The following FNDC11 variants were observed in gnomAD, a reference collection of about 807,000 sequenced individuals.
FNDC11 encodes the protein fibronectin type III domain-containing protein 11.
FNDC11 carries 15 observed loss-of-function variants against 15.8 expected under a neutral mutation model. The observed-to-expected ratio is 0.95, with a 90% confidence interval of 0.63 to 1.46. FNDC11 has a LOEUF of 1.46. Among genes scored for constraint, FNDC11 ranks in the 40% most tolerant of loss-of-function variants. FNDC11 has a pLI of 0.00. For missense variants in FNDC11, 416 were observed against 443.4 expected, an observed-to-expected ratio of 0.94 and a Z score of 0.55; for synonymous variants, 190 against 203.1, an observed-to-expected ratio of 0.94 and a Z score of 0.55.
chr20:63,555,661 A>G lies in FNDC11; in HGVS notation c.-3A>G, dbSNP rs1413732350. 5.0e-6 allele frequency: 8 copies of G among 1,598,534 alleles called. No homozygotes were observed. The highest frequency in any genetic ancestry group is 6.8e-6 in the Non-Finnish European group (8 of 1,169,840). ...ACCCAGCCCTCCCCCCAGCTCCCGG[A>G]TAATGAGCACCCATGTGGCAGGCCT... On this transcript the variant is annotated 5_prime_UTR_variant, in exon 2 of 2. Coordinates refer to ENST00000370097, the MANE Select transcript of FNDC11 (RefSeq NM_001319152.2).
chr20:63,554,726 C>T (rs1050384254), intron 1 of FNDC11: 1 of 152,326 alleles, frequency 6.6e-6, no homozygotes, highest in African/African-American at 2.4e-5. Context: ...GCAGATATGA[C>T]TTCACCACGT....
In FNDC11 at chr20:63,555,753, G is replaced by T; in HGVS notation, c.90G>T (p.Gln30His). 6.2e-7 allele frequency: 1 copy of T among 1,613,324 alleles called. No homozygotes were observed. Among genetic ancestry groups the T allele is most frequent in the Admixed American group, 1.7e-5 (1 of 60,020 alleles). ...SFLDQEEADD[Q>H]QLLEPEAWKT... is the part of the protein sequence containing the mutation. ...TGGACCAGGAGGAGGCAGATGACCA[G>T]CAGCTGCTGGAACCAGAGGCGTGGA... Residue 30 changes from glutamine (Q) to histidine (H), a missense_variant, in exon 2 of 2, where the codon CAG becomes CAT. Physicochemically the swap from Gln to His is conservative, Grantham distance 24. Coordinates refer to ENST00000370097, the MANE Select transcript of FNDC11 (RefSeq NM_001319152.2).
At chr20:63,553,859 C>A (rs1456816515), upstream of FNDC11, 1 of 152,216 alleles carries the variant, frequency 6.6e-6, no homozygotes, top group Non-Finnish European at 1.5e-5. Flanking sequence ...TGAGCAGGAA[C>A]TCCCTCCCAG....
Position 63,556,048 on chromosome 20 carries a change from C to T in FNDC11, c.385C>T (p.Leu129=). The part of the protein sequence containing the change: ...TKIQLLLLGD[L]LEQLDHGRAE... ...GATCCAGCTCCTGCTGCTCGGGGACCTGTTGGAACAGCTCGACCATGGCCG... is the reference window on the plus strand; with the variant it reads ...GATCCAGCTCCTGCTGCTCGGGGACTTGTTGGAACAGCTCGACCATGGCCG... Residue 129 remains leucine, a synonymous_variant, in exon 2 of 2, where the codon CTG becomes TTG. Transcript: ENST00000370097. 6.2e-7 allele frequency: 1 copy of T among 1,600,150 alleles called. No individual in the cohort carries two copies. Among genetic ancestry groups the T allele is most frequent in the Non-Finnish European group, 8.5e-7 (1 of 1,179,916 alleles).
chr20:63,554,128 G>C (rs924091903), upstream of FNDC11: 1 of 152,246 alleles, frequency 6.6e-6, no homozygotes, highest in African/African-American at 2.4e-5. Flanking sequence ...AAAGGCCGCT[G>C]GTCCCCAGGG....
rs145876706 is a variant in FNDC11 at position 63,556,105 on chromosome 20, G to A, written c.442G>A (p.Asp148Asn). The change falls in exon 2 of 2, where the codon GAC becomes AAC. Residue 148 changes from aspartate (D) to asparagine (N), a missense_variant. Transcript: ENST00000370097. ...AELDALLRSPDPRPFLADWAL... is the reference protein window; with the variant it reads ...AELDALLRSPNPRPFLADWAL... Reference sequence around the variant, plus strand: ...GCTGGATGCCCTGCTCCGGTCGCCAGACCCACGGCCCTTCCTGGCCGACTG... The same window carrying A: ...GCTGGATGCCCTGCTCCGGTCGCCAAACCCACGGCCCTTCCTGGCCGACTG... 70 of 1,595,656 alleles carry A rather than the reference G, an allele frequency of 4.4e-5. No homozygotes were observed. Among genetic ancestry groups the A allele is most frequent in the Non-Finnish European group, 5.7e-5 (67 of 1,175,406 alleles).
chr20:63,555,746 A>G lies in FNDC11; in HGVS notation c.83A>G (p.Asp28Gly), dbSNP rs2082801697. ...PQSFLDQEEA[D>G]DQQLLEPEAW... ...TCCTTCCTGGACCAGGAGGAGGCAGATGACCAGCAGCTGCTGGAACCAGAG... is the reference window on the plus strand; with the variant it reads ...TCCTTCCTGGACCAGGAGGAGGCAGGTGACCAGCAGCTGCTGGAACCAGAG... The change falls in exon 2 of 2, where the codon GAT (aspartate) becomes GGT (glycine). Residue 28 changes from aspartate to glycine, a missense_variant. Asp to Gly is a moderately conservative substitution (Grantham distance 94). Transcript: ENST00000370097. 6.2e-7 allele frequency: 1 copy of G among 1,613,148 alleles called. No individual in the cohort carries two copies. The highest frequency in any genetic ancestry group is 1.7e-5 in the Admixed American group (1 of 60,004).
Position 63,556,638 on chromosome 20 carries a change from T to C in FNDC11, c.*18T>C. The C allele has an allele frequency of 6.3e-7, 1 of 1,589,324 alleles. No individual in the cohort carries two copies. Among genetic ancestry groups the C allele is most frequent in the Non-Finnish European group, 8.6e-7 (1 of 1,164,232 alleles). On this transcript the variant is annotated 3_prime_UTR_variant, in exon 2 of 2. Coordinates refer to ENST00000370097, the MANE Select transcript of FNDC11 (RefSeq NM_001319152.2). ...CTGTCTGAGAGATGATTTTCTAATA[T>C]TTATCCACTAATAAAGAAGAGTGTA...
At chr20:63,553,279 C>T (rs146260608), upstream of FNDC11, among the ~76,000 whole-genome samples, 631 of 152,274 alleles carry the variant, frequency 4.1e-3, 2 homozygotes, top group African/African-American at 0.014. Context: ...CTATGGAGAC[C>T]CCATTTATCC....
Position 63,556,428 on chromosome 20 carries a change from C to T in FNDC11, c.765C>T (p.Cys255=), listed in dbSNP as rs751850247. 33 of 1,613,172 alleles carry T rather than the reference C, an allele frequency of 2.0e-5. 1 individual carries two copies. In the South Asian group the frequency reaches 2.1e-4, roughly 10 times the overall value. Residue 255 remains cysteine, a synonymous_variant, in exon 2 of 2, where the codon TGC becomes TGT. Coordinates refer to ENST00000370097, the MANE Select transcript of FNDC11 (RefSeq NM_001319152.2). ...TGGACCCGCGGACACAGCAGGAGTG[C>T]GCCCAGTGTGGCGTCATCCCCGTGG... ...RLLDPRTQQE[C]AQCGVIPVAA...
In FNDC11 at chr20:63,555,784, T is replaced by C. The variant is rs1398118152; in HGVS notation, c.121T>C (p.Tyr41His). The C allele has an allele frequency of 1.9e-6, 3 of 1,613,406 alleles. No homozygotes were observed. Among genetic ancestry groups the C allele is most frequent in the Non-Finnish European group, 2.5e-6 (3 of 1,180,042 alleles). Reference protein sequence around the residue: ...QLLEPEAWKTYTERRNALREF... With the variant: ...QLLEPEAWKTHTERRNALREF... ...GCTGGAACCAGAGGCGTGGAAGACC[T>C]ACACCGAGCGCCGCAATGCCCTGCG... Residue 41 changes from tyrosine to histidine, a missense_variant, in exon 2 of 2, where the codon TAC (tyrosine) becomes CAC (histidine). By Grantham distance (83) the Tyr-to-His change is moderately conservative. Coordinates refer to ENST00000370097, the MANE Select transcript of FNDC11 (RefSeq NM_001319152.2).
Position 63,556,588 on chromosome 20 carries a change from C to A in FNDC11, c.925C>A (p.Leu309Met). The change falls in exon 2 of 2, where the codon CTG becomes ATG. Residue 309 changes from leucine to methionine, a missense_variant. Coordinates refer to ENST00000370097, the MANE Select transcript of FNDC11 (RefSeq NM_001319152.2). ...SLTLHTKPEP[L>M]EGPALSHSV is the part of the protein sequence containing the mutation. ...CACCCTGCACACCAAGCCGGAGCCC[C>A]TGGAGGGGCCCGCCCTCAGCCACTC... The A allele has an allele frequency of 6.2e-7, 1 of 1,612,974 alleles. No homozygotes were observed. Among genetic ancestry groups the A allele is most frequent in the African/African-American group, 1.3e-5 (1 of 75,064 alleles).
In FNDC11 at chr20:63,556,029, G is replaced by A. The variant is rs755362510; in HGVS notation, c.366G>A (p.Gln122=). 5.0e-6 allele frequency: 8 copies of A among 1,599,992 alleles called. No individual in the cohort carries two copies. The Admixed American group carries it at 1.3e-4, about 27-fold the overall frequency. The change falls in exon 2 of 2, where the codon CAG becomes CAA. Residue 122 remains glutamine, a synonymous_variant. Transcript: ENST00000370097. The part of the protein sequence containing the change: ...KKVGTAQTKI[Q]LLLLGDLLEQ... ...TGGGCACAGCTCAGACCAAGATCCA[G>A]CTCCTGCTGCTCGGGGACCTGTTGG...
chr20:63,553,741 C>G (rs553806219), upstream of FNDC11: 467 of 153,550 alleles, frequency 3.0e-3, 4 homozygotes, highest in African/African-American at 0.011. Flanking sequence ...GAAGCCGCCC[C>G]TCTCCTCTGT....
rs1157334252 is a variant in FNDC11, at chr20:63,554,212, T to TG, written c.-11+9dup. The TG allele has an allele frequency of 6.7e-6, 1 of 150,070 alleles. No individual in the cohort carries two copies. The highest frequency in any genetic ancestry group is 6.7e-5 in the Admixed American group (1 of 15,032). The allele number at this position is 150,070 out of a possible 1,614,324, so 9.3% of individuals were successfully genotyped here. A position where few individuals can be genotyped will look rare whatever the true frequency, so the allele number is the denominator to read the frequency against. On this transcript the variant is annotated splice_region_variant and intron_variant, in intron 1 of 1. Transcript: ENST00000370097. ...GGCTCCGCTTCAGAGGCAGGGCAAG[T>TG]GGGCGCGGTCCTGGGGCGGCGGCGG...
chr20:63,556,507 A>T lies in FNDC11; in HGVS notation c.844A>T (p.Thr282Ser). The T allele has an allele frequency of 6.2e-7, 1 of 1,607,984 alleles. No homozygotes were observed. Among genetic ancestry groups the T allele is most frequent in the African/African-American group, 1.4e-5 (1 of 73,428 alleles). Residue 282 changes from threonine to serine, a missense_variant, in exon 2 of 2, where the codon ACC (threonine) becomes TCC (serine). By Grantham distance (58) the Thr-to-Ser change is moderately conservative (BLOSUM62 1). Transcript: ENST00000370097. ...NLLPNRSYKF[T>S]IKRAETSTLV... ...GCTGCCCAACCGATCCTATAAGTTC[A>T]CCATCAAGAGGGCCGAGACCTCCAC...
At position 63,556,246 on chromosome 20, in the gene FNDC11, A is replaced by C. The variant is rs367687508; in HGVS notation, c.583A>C (p.Thr195Pro). The change falls in exon 2 of 2, where the codon ACC (threonine) becomes CCC (proline). Residue 195 changes from threonine to proline, a missense_variant. By Grantham distance (38) the Thr-to-Pro change is conservative (BLOSUM62 -1). Transcript: ENST00000370097. ...CCGCCTGGTGTCTGATGTCAGTGCC[A>C]CCAAGATCCCGCACATCTGGCTCAT... Reference protein sequence around the residue: ...KHRLVSDVSATKIPHIWLMLS... With the variant: ...KHRLVSDVSAPKIPHIWLMLS... The C allele has an allele frequency of 1.3e-6, 2 of 1,594,830 alleles. No homozygotes were observed. Among genetic ancestry groups the C allele is most frequent in the Non-Finnish European group, 1.7e-6 (2 of 1,166,740 alleles).
chr20:63,553,345 G>A (rs1315866215), upstream of FNDC11, among the ~76,000 whole-genome samples: 1 of 113,934 alleles, frequency 8.8e-6, no homozygotes, highest in Non-Finnish European at 1.8e-5. Context: ...GCCCATGGTG[G>A]GAGGAGCCTG....
rs552222121 is a variant in FNDC11 at position 63,555,214 on chromosome 20, G to A, written c.-10-440G>A. 1.9e-4 allele frequency: 33 copies of A among 169,422 alleles called. No homozygotes were observed. In the East Asian group the frequency reaches 4.8e-3, roughly 25 times the overall value. The allele number at this position is 169,422 out of a possible 1,614,324, so 10.5% of individuals were successfully genotyped here. A position where few individuals can be genotyped will look rare whatever the true frequency, so the allele number is the denominator to read the frequency against. On this transcript the variant is annotated intron_variant, in intron 1 of 1. Coordinates refer to ENST00000370097, the MANE Select transcript of FNDC11 (RefSeq NM_001319152.2). ...CTACAACTGCGGTGAGGCGTGGAGC[G>A]TCCCCAGGGAGAACCGGAGCGGGAG... is the stretch of plus-strand genomic sequence containing the variant.
Sources: gnomAD v4.1 joint callset for allele counts (sites outside exome capture counted in the v4.1 genomes callset) on GRCh38, gnomAD v4.1.1 for gene constraint, MANE v1.5 for transcripts, NCBI Gene and HGNC (gene_info 2026-07-23, HGNC 2026-07-21) for gene names.